Variants in MACROD2 observed in about 807,000 individuals in gnomAD.
MACROD2 encodes mono-ADP ribosylhydrolase 2.
A neutral mutation model predicts 70.4 loss-of-function variants in MACROD2; 36 were observed. The ratio of observed to expected loss-of-function variants is 0.51; its 90% CI spans 0.39 to 0.68. The LOEUF is 0.68. MACROD2 is among the 30% of genes least tolerant of loss of function. MACROD2 has a pLI of 0.00. For synonymous variants in MACROD2, 172 were observed against 178.8 expected (o/e 0.96, Z 0.30); for missense variants, 496 against 538.4 (o/e 0.92, Z 0.78).
chr20:15,239,201 T>TTTTTTGG (rs1282112992), intron 6 of MACROD2, among the ~76,000 whole-genome samples: 1 of 151,072 alleles, frequency 6.6e-6, no homozygotes, highest in African/African-American at 2.4e-5. Context: ...TTTTTTTTTT[T>TTTTTTGG]GGAGAGCAAT....
At chr20:14,861,802 G>A (rs1458026370) in intron 5 of MACROD2, among the ~76,000 whole-genome samples, 3 of 148,368 alleles carry the variant, frequency 2.0e-5, no homozygotes, top group Non-Finnish European at 3.0e-5. Flanking sequence ...ACCCCATCTG[G>A]CACCTCTTGA....
Position 14,764,000 on chromosome 20 carries a change from C to T in MACROD2, c.418+79041C>T, listed in dbSNP as rs911690590. ...GATCTGCACTGAGTATTTCCAGTTG[C>T]CTTATCCCACATGCATATATGTGCA... On this transcript the variant is annotated intron_variant, in intron 5 of 17. Coordinates refer to ENST00000684519, the MANE Select transcript of MACROD2 (RefSeq NM_001351661.2). 5.3e-5 allele frequency among the ~76,000 whole-genome samples: 8 copies of T among 152,124 alleles called. No individual in the cohort carries two copies. The South Asian group carries it at 1.7e-3, about 32-fold the overall frequency.
chr20:14,878,538 GAGAT>G (rs1434002489), intron 5 of MACROD2, among the ~76,000 whole-genome samples: 1 of 152,096 alleles, frequency 6.6e-6, no homozygotes, highest in African/African-American at 2.4e-5. Context: ...TTACAAAATA[GAGAT>G]AGACTCAGGA....
At chr20:15,947,696 T>A (rs568245501) in intron 12 of MACROD2, among the ~76,000 whole-genome samples, 12 of 152,316 alleles carry the variant, frequency 7.9e-5, no homozygotes, top group Non-Finnish European at 1.2e-4. Context: ...TAGGTCCTCA[T>A]ATTTGTTTAA....
At chr20:15,106,750 A>G (rs1319395943) in intron 5 of MACROD2, among the ~76,000 whole-genome samples, 2 of 152,040 alleles carry the variant, frequency 1.3e-5, no homozygotes, top group Non-Finnish European at 2.9e-5. Context: ...TCCCATTCAC[A>G]TTTCCAGGAC....
At chr20:15,805,921 T>C (rs1397707595) in intron 8 of MACROD2, among the ~76,000 whole-genome samples, 1 of 152,178 alleles carries the variant, frequency 6.6e-6, no homozygotes, top group African/African-American at 2.4e-5. Flanking sequence ...CCTTAGCGGT[T>C]TTGATCTATG....
chr20:15,176,185 G>C (rs1168461596), intron 5 of MACROD2, among the ~76,000 whole-genome samples: 1 of 152,222 alleles, frequency 6.6e-6, no homozygotes, highest in Non-Finnish European at 1.5e-5. Flanking sequence ...CAAAGGAGGG[G>C]CTGAGGGCAG....
At chr20:15,446,817 A>T (rs1432379919) in intron 7 of MACROD2, among the ~76,000 whole-genome samples, 5 of 152,142 alleles carry the variant, frequency 3.3e-5, no homozygotes, top group Admixed American at 3.3e-4. Flanking sequence ...ATCCTTAGTG[A>T]AAAAGATAGA....
intron 8 of MACROD2, among the ~76,000 whole-genome samples, chr20:15,611,129 A>C (rs1262391351): frequency 6.6e-6 from 1 of 151,132 alleles, no homozygotes; most frequent in Non-Finnish European, 1.5e-5. Flanking sequence ...CTAAGAGCAC[A>C]CTGCTCATTC....
At chr20:14,528,227 A>AG (rs930376067) in intron 4 of MACROD2, among the ~76,000 whole-genome samples, 23 of 150,940 alleles carry the variant, frequency 1.5e-4, no homozygotes, top group African/African-American at 5.4e-4. Context: ...CTCCTGCCTC[A>AG]GCCTCCCAAG....
chr20:15,736,131 G>A (rs1568999856), intron 8 of MACROD2, among the ~76,000 whole-genome samples: 1 of 152,162 alleles, frequency 6.6e-6, no homozygotes, highest in East Asian at 1.9e-4. Context: ...TACAGCTATT[G>A]TGGACACTAA....
intron 3 of MACROD2, among the ~76,000 whole-genome samples, chr20:14,376,689 G>A (rs1158895069): frequency 6.6e-6 from 1 of 151,534 alleles, no homozygotes; most frequent in Non-Finnish European, 1.5e-5. Context: ...GATTGATGCT[G>A]CAATGAGCTA....
chr20:14,977,462 TACACACACACACAC>T (rs3045702), intron 5 of MACROD2, among the ~76,000 whole-genome samples: 18 of 135,088 alleles, frequency 1.3e-4, no homozygotes, highest in Middle Eastern at 7.6e-3. Context: ...AAGAAAAAGA[TACACACACACACAC>T]ACACACACAC....
chr20:14,770,055 A>G (rs1428710337), intron 5 of MACROD2, among the ~76,000 whole-genome samples: 1 of 152,024 alleles, frequency 6.6e-6, no homozygotes, highest in Non-Finnish European at 1.5e-5. Context: ...GATTGCAAAT[A>G]GTATGAATAT....
chr20:15,379,959 A>T (rs772557471), intron 6 of MACROD2, among the ~76,000 whole-genome samples: 1 of 152,182 alleles, frequency 6.6e-6, no homozygotes, highest in Non-Finnish European at 1.5e-5. Flanking sequence ...CTACTCCAGG[A>T]TTCACCATAC....
At chr20:14,315,467 T>C (rs1400601514) in intron 3 of MACROD2, among the ~76,000 whole-genome samples, 1 of 152,220 alleles carries the variant, frequency 6.6e-6, no homozygotes, top group Admixed American at 6.5e-5. Context: ...AGCATTGTTT[T>C]ACAAGTTGGA....
At chr20:15,667,797 T>C (rs1398233253) in intron 8 of MACROD2, among the ~76,000 whole-genome samples, 1 of 152,224 alleles carries the variant, frequency 6.6e-6, no homozygotes, top group Non-Finnish European at 1.5e-5. Flanking sequence ...TCTTTCAATA[T>C]AGAACAGTGT....
intron 3 of MACROD2, among the ~76,000 whole-genome samples, chr20:14,409,384 A>C (rs73092487): frequency 6.6e-6 from 1 of 151,952 alleles, no homozygotes; most frequent in Non-Finnish European, 1.5e-5. Flanking sequence ...CTTTGTATTC[A>C]GAATATCATT....
chr20:15,910,283 C>T (rs755261339), intron 10 of MACROD2, among the ~76,000 whole-genome samples: 20 of 152,134 alleles, frequency 1.3e-4, no homozygotes, highest in Non-Finnish European at 8.8e-5. Context: ...TGGCACCAAG[C>T]GTTATTTCAA....
Sources: gnomAD v4.1 joint callset for allele counts (sites outside exome capture counted in the v4.1 genomes callset) on GRCh38, gnomAD v4.1.1 for gene constraint, MANE v1.5 for transcripts, NCBI Gene and HGNC (gene_info 2026-07-23, HGNC 2026-07-21) for gene names.